Variants in UBE2W observed in about 807,000 individuals in gnomAD.
UBE2W encodes ubiquitin conjugating enzyme E2 W.
UBE2W carries 18 observed loss-of-function variants against 27.2 expected under a neutral mutation model. That is an observed-to-expected ratio of 0.66 (90% CI 0.46 to 0.98). The LOEUF is 0.98. UBE2W is among the 50% of genes least tolerant of loss of function. The pLI is 0.00. For synonymous variants in UBE2W, 53 were observed against 57.2 expected (o/e 0.93, Z 0.33); for missense variants, 90 against 180.2 (o/e 0.50, Z 2.87).
At position 73,790,413 on chromosome 8, in the gene UBE2W, A is replaced by T. The variant is rs1808142226; in HGVS notation, c.*3689T>A. On this transcript the variant is annotated 3_prime_UTR_variant, in exon 6 of 6. Transcript: ENST00000602593. ...CAGTAACGGCATTACTATAACACAG[A>T]ACAGTATAGTAGCTGATTCTGATAA... The T allele has an allele frequency of 2.0e-6, 2 of 985,264 alleles. No homozygotes were observed. The highest frequency in any genetic ancestry group is 5.2e-4 in the Middle Eastern group (1 of 1,936). 61.0% of individuals were successfully genotyped at this position (985,264 alleles called of 1,614,324 possible).
intron 1 of UBE2W, among the ~76,000 whole-genome samples, chr8:73,843,575 T>C (rs534976571): frequency 6.6e-6 from 1 of 152,138 alleles, no homozygotes; most frequent in East Asian, 1.9e-4. Flanking sequence ...GTTCAGGTTA[T>C]AGTGAGTTAT....
intron 1 of UBE2W, among the ~76,000 whole-genome samples, chr8:73,861,609 A>T (rs1811536760): frequency 6.6e-6 from 1 of 152,136 alleles, no homozygotes; most frequent in Non-Finnish European, 1.5e-5. Context: ...TGACCAACCC[A>T]GATTACGTTT....
intron 1 of UBE2W, among the ~76,000 whole-genome samples, chr8:73,843,995 AT>A (rs1212788518): frequency 6.6e-6 from 1 of 152,220 alleles, no homozygotes; most frequent in Admixed American, 6.5e-5. Flanking sequence ...CTCAAAAAAA[AT>A]AATAGTAACA....
At chr8:73,816,907 G>A (rs765619941) in intron 3 of UBE2W, among the ~76,000 whole-genome samples, 30 of 152,208 alleles carry the variant, frequency 2.0e-4, no homozygotes, top group East Asian at 3.9e-4. Flanking sequence ...TGTGGTGCGC[G>A]CCTGTAATCC....
At chr8:73,831,230 G>A in intron 1 of UBE2W, 1 of 363,924 alleles carries the variant, frequency 2.7e-6, no homozygotes, top group Non-Finnish European at 5.1e-6. Flanking sequence ...TAGAAGGCAT[G>A]AAAAGATTAA....
At chr8:73,830,878 A>G (rs1368447006) in intron 1 of UBE2W, among the ~76,000 whole-genome samples, 1 of 152,212 alleles carries the variant, frequency 6.6e-6, no homozygotes, top group Non-Finnish European at 1.5e-5. Context: ...CCAAATGTTC[A>G]TACCTTTCTC....
At chr8:73,863,951 C>CAA (rs11410266) in intron 1 of UBE2W, among the ~76,000 whole-genome samples, 182 of 119,632 alleles carry the variant, frequency 1.5e-3, no homozygotes, top group African/African-American at 4.5e-3. Context: ...AAAAACAAAC[C>CAA]AAAAAAAAAA....
At chr8:73,804,960 TGATCTGCC>T (rs1227475726) in intron 5 of UBE2W, among the ~76,000 whole-genome samples, 11 of 151,860 alleles carry the variant, frequency 7.2e-5, no homozygotes, top group African/African-American at 2.4e-4. Context: ...TGACCTCAAG[TGATCTGCC>T]CACCTCTGCC....
At position 73,827,499 on chromosome 8, in the gene UBE2W, C is replaced by T. The variant is rs1046584328; in HGVS notation, c.108-2250G>A. 2.0e-5 allele frequency among the ~76,000 whole-genome samples: 3 copies of T among 152,088 alleles called. 1 individual carries two copies. Among genetic ancestry groups the T allele is most frequent in the Admixed American group, 2.0e-4 (3 of 15,276 alleles). ...AAAGTGCTGGGATTACAGGTGTGAA[C>T]CACCGCACCTGGCCTGTGCATGGTA... On this transcript the variant is annotated intron_variant, in intron 2 of 5. Coordinates refer to ENST00000602593, the MANE Select transcript of UBE2W (RefSeq NM_018299.6).
intron 1 of UBE2W, among the ~76,000 whole-genome samples, chr8:73,832,923 C>T (rs1028834524): frequency 2.0e-5 from 3 of 152,182 alleles, no homozygotes; most frequent in Admixed American, 1.3e-4. Flanking sequence ...GGCGTTGTGG[C>T]TCACGCCTGT....
rs913246550 is a variant in UBE2W at position 73,786,848 on chromosome 8, T to G, written c.*7254A>C. 8 of 985,290 alleles carry G rather than the reference T, an allele frequency of 8.1e-6. No individual in the cohort carries two copies. The African/African-American group carries it at 1.4e-4, about 17-fold the overall frequency. 61.0% of individuals were successfully genotyped at this position (985,290 alleles called of 1,614,324 possible). A position where few individuals can be genotyped will look rare whatever the true frequency, so the allele number is the denominator to read the frequency against. ...TACTGAGTATCATTGCTTGATTAAG[T>G]TGGATGGGAATGTCATTAAATTATA... On this transcript the variant is annotated 3_prime_UTR_variant, in exon 6 of 6. Transcript: ENST00000602593.
chr8:73,792,148 T>C lies in UBE2W; in HGVS notation c.*1954A>G. The stretch of plus-strand genomic sequence containing the variant: ...ATAATTTACAGCTGCAATTTTCATA[T>C]TAAAAGCAGTTTAAAACTATGAGTA... On this transcript the variant is annotated 3_prime_UTR_variant, in exon 6 of 6. Transcript: ENST00000602593. 1.6e-5 allele frequency: 16 copies of C among 985,456 alleles called. No individual in the cohort carries two copies. Among genetic ancestry groups the C allele is most frequent in the Non-Finnish European group, 1.9e-5 (16 of 829,838 alleles). The allele number at this position is 985,456 out of a possible 1,614,324, so 61.0% of individuals were successfully genotyped here.
At chr8:73,802,042 T>G (rs1310885433) in intron 5 of UBE2W, among the ~76,000 whole-genome samples, 2 of 152,210 alleles carry the variant, frequency 1.3e-5, no homozygotes, top group Non-Finnish European at 2.9e-5. Context: ...AAACTGAGTA[T>G]ATAATAATAA....
At chr8:73,872,955 C>G (rs6993406) in intron 1 of UBE2W, among the ~76,000 whole-genome samples, 12,062 of 147,658 alleles carry the variant, frequency 0.082, 1,563 homozygotes, top group African/African-American at 0.28. Flanking sequence ...AGGCTGGAGT[C>G]CAGTGGCATG....
rs367561856 is a variant in UBE2W, at chr8:73,814,858, C to G, written c.211-4229G>C. 1.7e-4 allele frequency among the ~76,000 whole-genome samples: 26 copies of G among 152,312 alleles called. No individual in the cohort carries two copies. In the South Asian group the frequency reaches 5.4e-3, roughly 32 times the overall value. ...TAATTATTACTACCTTTCCAAACAT[C>G]TCCCGAGCAGTATGGCTTATTCAAA... On this transcript the variant is annotated intron_variant, in intron 3 of 5. Transcript: ENST00000602593.
chr8:73,878,713 CG>C, intron 1 of UBE2W, 94 bp downstream of exon 1: 3 of 1,157,562 alleles, frequency 2.6e-6, no homozygotes, highest in Non-Finnish European at 3.8e-6. Flanking sequence ...CGAACCCGCC[CG>C]GGTGTCCCCG....
intron 1 of UBE2W, among the ~76,000 whole-genome samples, chr8:73,867,521 G>A (rs1273722423): frequency 1.3e-5 from 2 of 151,894 alleles, no homozygotes; most frequent in African/African-American, 2.4e-5. Context: ...GCAACAGGGC[G>A]AGACTCTGTC....
chr8:73,825,118 A>C (rs1480583593), intron 3 of UBE2W, 29 bp downstream of exon 3: 1 of 1,459,588 alleles, frequency 6.9e-7, no homozygotes, highest in Admixed American at 2.4e-5. Flanking sequence ...TAAAAATACA[A>C]AAAAAAAAAT....
rs10652083 is a variant in UBE2W, at chr8:73,789,307, TAAAAAAAAAAAAAAAAAAAA to T, written c.*4775_*4794del. 46 of 40,044 alleles carry T rather than the reference TAAAAAAAAAAAAAAAAAAAA, an allele frequency of 1.1e-3. 1 individual carries two copies. Among genetic ancestry groups the T allele is most frequent in the Admixed American group, 2.2e-3 (4 of 1,846 alleles). 2.5% of individuals were successfully genotyped at this position (40,044 alleles called of 1,614,324 possible). A position where few individuals can be genotyped will look rare whatever the true frequency, so the allele number is the denominator to read the frequency against. ...GCAACATGGTGAGACCTCGTGTCTT[TAAAAAAAAAAAAAAAAAAAA>T]AAAAAAAAAAAAAAATTCTATCCAT... On this transcript the variant is annotated 3_prime_UTR_variant, in exon 6 of 6. Coordinates refer to ENST00000602593, the MANE Select transcript of UBE2W (RefSeq NM_018299.6).
Sources: gnomAD v4.1 joint callset for allele counts (sites outside exome capture counted in the v4.1 genomes callset) on GRCh38, gnomAD v4.1.1 for gene constraint, MANE v1.5 for transcripts, NCBI Gene and HGNC (gene_info 2026-07-23, HGNC 2026-07-21) for gene names.